MSTO1: variants seen among roughly 807,000 people sequenced by gnomAD.
The protein encoded by MSTO1 is protein misato homolog 1.
MSTO1 carries 24 observed loss-of-function variants against 55.7 expected under a neutral mutation model. The ratio of observed to expected loss-of-function variants is 0.43; its 90% CI spans 0.31 to 0.61. The LOEUF (loss-of-function observed/expected upper bound fraction) is 0.61. MSTO1 is among the 20% of genes least tolerant of loss of function. The pLI is 0.09. For missense variants in MSTO1, 363 were observed against 625.7 expected, an observed-to-expected ratio of 0.58 and a Z score of 4.48; for synonymous variants, 162 against 252.8, an observed-to-expected ratio of 0.64 and a Z score of 3.41.
At chr1:155,568,728 G>A in the MSTO1 span, among the ~76,000 whole-genome samples, 1 of 152,062 alleles carries the variant, frequency 6.6e-6, no homozygotes, top group Non-Finnish European at 1.5e-5. Flanking sequence ...ATGATCCACT[G>A]CACCCAGCCA....
the MSTO1 span, among the ~76,000 whole-genome samples, chr1:155,597,601 C>T: frequency 6.6e-6 from 1 of 151,446 alleles, no homozygotes; most frequent in Non-Finnish European, 1.5e-5. Flanking sequence ...CCTCCGCCTC[C>T]CGGGTTCAAG....
chr1:155,587,465 C>T, the MSTO1 span, among the ~76,000 whole-genome samples: 1 of 145,672 alleles, frequency 6.9e-6, no homozygotes, highest in Non-Finnish European at 1.5e-5. Flanking sequence ...AAAAAAAGGC[C>T]GGGCGTGGTG....
At chr1:155,589,127 G>A in the MSTO1 span, among the ~76,000 whole-genome samples, 7 of 151,906 alleles carry the variant, frequency 4.6e-5, no homozygotes, top group African/African-American at 1.7e-4. Context: ...GTGAAACCCC[G>A]TCTCTACTAA....
the MSTO1 span, among the ~76,000 whole-genome samples, chr1:155,565,371 C>T: frequency 2.6e-5 from 4 of 151,084 alleles, no homozygotes; most frequent in South Asian, 2.1e-4. Flanking sequence ...AAGAGAAAGA[C>T]AATTAGCATT....
upstream of MSTO1, chr1:155,609,981 G>A (rs374232411): frequency 1.4e-3 from 648 of 477,062 alleles, 9 homozygotes; most frequent in South Asian, 0.012. Context: ...CGGCGGAGAC[G>A]GCGCCCACCC....
At chr1:155,576,963 C>T in the MSTO1 span, among the ~76,000 whole-genome samples, 6 of 131,594 alleles carry the variant, frequency 4.6e-5, no homozygotes, top group Non-Finnish European at 6.3e-5. Context: ...TGCAGTGAGC[C>T]GAGATCGTGC....
chr1:155,610,030 G>A (rs542154123), upstream of MSTO1: 34 of 575,904 alleles, frequency 5.9e-5, 1 homozygote, highest in East Asian at 7.0e-4. Flanking sequence ...GTGGCCCGTG[G>A]AGCCCCGCCC....
the MSTO1 span, among the ~76,000 whole-genome samples, chr1:155,605,080 G>A: frequency 6.6e-6 from 1 of 151,958 alleles, no homozygotes. Context: ...GGCCAAAATG[G>A]CGAAACCCCA....
At chr1:155,601,117 C>A in the MSTO1 span, among the ~76,000 whole-genome samples, 18 of 151,326 alleles carry the variant, frequency 1.2e-4, no homozygotes, top group Admixed American at 1.1e-3. Flanking sequence ...CCGCACCCAG[C>A]CTTGCTTGTA....
At chr1:155,609,955 G>A (rs1673460469), upstream of MSTO1, 1 of 456,500 alleles carries the variant, frequency 2.2e-6, no homozygotes, top group Non-Finnish European at 3.9e-6. Context: ...CCCGCGCCCT[G>A]GCGGCCCCAA....
the MSTO1 span, among the ~76,000 whole-genome samples, chr1:155,586,178 G>GT: frequency 1.5e-4 from 22 of 143,784 alleles, no homozygotes; most frequent in South Asian, 4.7e-3. Flanking sequence ...ACATGTAGAA[G>GT]TTTTTTTCTT....
the MSTO1 span, among the ~76,000 whole-genome samples, chr1:155,595,176 G>GTT: frequency 9.3e-4 from 95 of 102,500 alleles, no homozygotes; most frequent in East Asian, 0.015. Flanking sequence ...CAGGTTTGTT[G>GTT]TTTTTTTTTT....
At chr1:155,574,901 C>T in the MSTO1 span, among the ~76,000 whole-genome samples, 4 of 141,812 alleles carry the variant, frequency 2.8e-5, no homozygotes, top group Non-Finnish European at 6.0e-5. Context: ...GACGGAGTCT[C>T]CTGTTGCCAG....
Position 155,610,292 on chromosome 1 carries a change from A to T in MSTO1, c.44A>T (p.His15Leu). The T allele has an allele frequency of 1.9e-6, 2 of 1,078,508 alleles. No homozygotes were observed. The highest frequency in any genetic ancestry group is 2.6e-6 in the Non-Finnish European group (2 of 756,274). The allele number at this position is 1,078,508 out of a possible 1,614,324, so 66.8% of individuals were successfully genotyped here. ...AREVLTLQLG[H>L]FAGFVGAHWW... ...GAGGTGCTCACACTGCAGTTGGGACATTTTGCCGGTTTCGTGGGCGCGCAC... is the reference window on the plus strand; with the variant it reads ...GAGGTGCTCACACTGCAGTTGGGACTTTTTGCCGGTTTCGTGGGCGCGCAC... The change falls in exon 1 of 14, where the codon CAT becomes CTT. Residue 15 changes from histidine (H) to leucine (L), a missense_variant. This residue lies in a region of MSTO1 where 94 missense variants were observed against 212.4 expected (regional missense o/e 0.44). Transcript: ENST00000245564.
chr1:155,580,333 C>T, the MSTO1 span, among the ~76,000 whole-genome samples: 166 of 151,686 alleles, frequency 1.1e-3, no homozygotes, highest in African/African-American at 3.6e-3. Flanking sequence ...TGAGACCAGA[C>T]TGGGCAACAT....
the MSTO1 span, among the ~76,000 whole-genome samples, chr1:155,566,942 A>G: frequency 1.3e-5 from 2 of 151,738 alleles, no homozygotes; most frequent in Middle Eastern, 3.4e-3. Context: ...TGCTCTTACT[A>G]TGTTGCCTAG....
the MSTO1 span, among the ~76,000 whole-genome samples, chr1:155,594,765 T>TTAGC: frequency 6.6e-6 from 1 of 152,086 alleles, no homozygotes; most frequent in Non-Finnish European, 1.5e-5. Context: ...AGTTTTTTGA[T>TTAGC]TAGCTGAATG....
At chr1:155,563,958 T>C in the MSTO1 span, 1 of 181,760 alleles carries the variant, frequency 5.5e-6, no homozygotes. Flanking sequence ...CTGTTAGGTT[T>C]CTGTGGCTAC....
chr1:155,598,861 C>T, the MSTO1 span: 1 of 1,450,254 alleles, frequency 6.9e-7, no homozygotes, highest in Non-Finnish European at 9.7e-7. Context: ...CGGTCTTTGC[C>T]ATGTTATTCA....
Sources: gnomAD v4.1 joint callset for allele counts (sites outside exome capture counted in the v4.1 genomes callset) on GRCh38, gnomAD v4.1.1 for gene constraint, gnomAD v4.1.1 regional missense constraint, MANE v1.5 for transcripts, NCBI Gene and HGNC (gene_info 2026-07-23, HGNC 2026-07-21) for gene names.